OTOG: variants seen among roughly 807,000 people sequenced by gnomAD.
OTOG encodes the protein otogelin.
A neutral mutation model predicts 313.8 loss-of-function variants in OTOG; 296 were observed. The ratio of observed to expected loss-of-function variants is 0.94; its 90% confidence interval spans 0.86 to 1.04. The LOEUF is 1.04. Among genes scored for constraint, OTOG ranks in the 50% least tolerant of loss-of-function variants. The pLI is 0.00. For missense variants in OTOG, 3,948 were observed against 3,840.1 expected (o/e 1.03, Z -0.74); for synonymous variants, 1,533 against 1,554.9 (o/e 0.99, Z 0.33).
rs57816307 is a variant in OTOG at position 17,578,658 on chromosome 11, G to T, written c.2759+132G>T. ...CACTGGCCCAGGCTGGCCAGCCACA[G>T]CTGTAATGGCCAGAGAGGAGTCTGG... is the stretch of plus-strand genomic sequence containing the variant. On this transcript the variant is annotated intron_variant, in intron 23 of 55. Transcript: ENST00000399397. 4.5e-4 allele frequency: 527 copies of T among 1,171,856 alleles called. 1 individual carries two copies. In the African/African-American group the frequency reaches 7.4e-3, roughly 16 times the overall value. The allele number at this position is 1,171,856 out of a possible 1,614,324, so 72.6% of individuals were successfully genotyped here.
Position 17,613,243 on chromosome 11 carries a change from CTT to C in OTOG, c.6439-367_6439-366del, listed in dbSNP as rs1565118964. Among the ~76,000 whole-genome samples the C allele has an allele frequency of 2.2e-3, 287 of 129,080 alleles. 3 individuals carry two copies. The highest frequency in any genetic ancestry group is 8.9e-3 in the African/African-American group (279 of 31,466). 84.7% of individuals were successfully genotyped at this position (129,080 alleles called of 152,430 possible). A position where few individuals can be genotyped will look rare whatever the true frequency, so the allele number is the denominator to read the frequency against. The stretch of plus-strand genomic sequence containing the variant: ...TCTTTCTTTCTTTCTTTCTTTCTTT[CTT>C]TCTTTCTTTCTTTCTTTCTTTCTCT... On this transcript the variant is annotated intron_variant, in intron 38 of 55. Coordinates refer to ENST00000399397, the MANE Select transcript of OTOG (RefSeq NM_001292063.2).
intron 22 of OTOG, among the ~76,000 whole-genome samples, chr11:17,577,842 C>T (rs1852567451): frequency 6.6e-6 from 1 of 152,114 alleles, no homozygotes; most frequent in South Asian, 2.1e-4. Context: ...GCGGGGCAGA[C>T]CTTATGGAAG....
At chr11:17,588,344 C>T (rs1028084429) in intron 24 of OTOG, among the ~76,000 whole-genome samples, 7 of 152,162 alleles carry the variant, frequency 4.6e-5, no homozygotes, top group East Asian at 1.9e-4. Flanking sequence ...TGGTGTGACT[C>T]GAGCATTTGC....
intron 16 of OTOG, 104 bp from the exon 17 acceptor site, chr11:17,570,109 A>G: frequency 9.3e-7 from 1 of 1,078,912 alleles, no homozygotes; most frequent in South Asian, 1.6e-5. Flanking sequence ...GGGGGCGAAG[A>G]CTGGGCCGGG....
intron 20 of OTOG, 93 bp from the exon 21 acceptor site, chr11:17,576,463 A>T: frequency 1.1e-6 from 1 of 952,306 alleles, no homozygotes; most frequent in Non-Finnish European, 1.7e-6. Flanking sequence ...GTCCTTATGC[A>T]CCTGGTTGGC....
chr11:17,634,771 CCA>C, intron 44 of OTOG, 71 bp from the exon 45 acceptor site: 1 of 1,312,862 alleles, frequency 7.6e-7, no homozygotes, highest in South Asian at 1.3e-5. Flanking sequence ...GGGCAGTTGT[CCA>C]GTGTTCTCCA....
intron 23 of OTOG, among the ~76,000 whole-genome samples, chr11:17,585,971 C>T (rs865798168): frequency 7.2e-5 from 11 of 152,288 alleles, no homozygotes; most frequent in Middle Eastern, 6.8e-3. Context: ...CCTGATCTAG[C>T]GTGATGCTAT....
chr11:17,604,049 G>A (rs1020494472), intron 32 of OTOG, among the ~76,000 whole-genome samples: 1 of 152,142 alleles, frequency 6.6e-6, no homozygotes, highest in African/African-American at 2.4e-5. Flanking sequence ...ACAGATGAGG[G>A]AACTGAGGCC....
chr11:17,608,525 T>G, intron 34 of OTOG, 112 bp downstream of exon 34: 1 of 692,512 alleles, frequency 1.4e-6, no homozygotes, highest in Non-Finnish European at 2.3e-6. Flanking sequence ...TGGGGATGTG[T>G]GTACCACGGT....
intron 3 of OTOG, among the ~76,000 whole-genome samples, 200 bp downstream of exon 3, chr11:17,548,412 T>C (rs1279461609): frequency 7.5e-6 from 1 of 133,010 alleles, no homozygotes; most frequent in Non-Finnish European, 1.6e-5. Context: ...GGGTCTATAG[T>C]CCACTCTTTT....
chr11:17,593,833 C>A (rs888487399), intron 27 of OTOG, 77 bp downstream of exon 27: 73 of 1,508,502 alleles, frequency 4.8e-5, no homozygotes, highest in Non-Finnish European at 6.4e-5. Flanking sequence ...TGAGCTGTAC[C>A]CTCCCTGAGG....
intron 26 of OTOG, 84 bp from the exon 27 acceptor site, chr11:17,593,526 T>A: frequency 6.6e-7 from 1 of 1,511,274 alleles, no homozygotes; most frequent in Non-Finnish European, 8.9e-7. Flanking sequence ...GGCAGAGGCA[T>A]TGGTGAGGGC....
chr11:17,581,847 G>A (rs560922199), intron 23 of OTOG, among the ~76,000 whole-genome samples: 29 of 151,988 alleles, frequency 1.9e-4, no homozygotes, highest in Non-Finnish European at 2.9e-4. Flanking sequence ...AGCCGGTTCC[G>A]CCCCCACCAG....
Position 17,572,152 on chromosome 11 carries a change from C to G in OTOG, c.2028C>G (p.Ser676=). 4 of 1,550,442 alleles carry G rather than the reference C, an allele frequency of 2.6e-6. No homozygotes were observed. Among genetic ancestry groups the G allele is most frequent in the Non-Finnish European group, 3.5e-6 (4 of 1,146,946 alleles). ...CCTGGAAAACACTTTCTGCTTGCTC[C>G]CCGCTGGTCTCTGGCTCCCCTCTGG... ...GNSWKTLSAC[S]PLVSGSPLDP... is the part of the protein sequence containing the mutation. Residue 676 remains serine (S), a synonymous_variant, in exon 18 of 56, where the codon TCC becomes TCG. Transcript: ENST00000399397.
chr11:17,591,411 G>T, intron 24 of OTOG, 39 bp from the exon 25 acceptor site: 1 of 1,549,016 alleles, frequency 6.5e-7, no homozygotes, highest in Non-Finnish European at 8.7e-7. Context: ...GTATGGGGTG[G>T]GTGTGCCCTG....
At chr11:17,578,905 C>T (rs1348353127) in intron 23 of OTOG, among the ~76,000 whole-genome samples, 2 of 152,216 alleles carry the variant, frequency 1.3e-5, no homozygotes, top group African/African-American at 2.4e-5. Flanking sequence ...GTTCAGCTCT[C>T]AACCTCTTCC....
At chr11:17,612,566 G>T in intron 37 of OTOG, 54 bp from the exon 38 acceptor site, 9 of 1,511,562 alleles carry the variant, frequency 6.0e-6, no homozygotes, top group Non-Finnish European at 7.1e-6. Context: ...TTCCTAGGCG[G>T]CCTTGGTCTT....
At chr11:17,568,897 A>G (rs1322808587) in intron 15 of OTOG, among the ~76,000 whole-genome samples, 2 of 152,204 alleles carry the variant, frequency 1.3e-5, no homozygotes, top group Non-Finnish European at 2.9e-5. Flanking sequence ...CTGTGTCTTT[A>G]GATAACCTGA....
chr11:17,633,982 G>T, intron 43 of OTOG, 87 bp from the exon 44 acceptor site: 3 of 1,486,444 alleles, frequency 2.0e-6, no homozygotes, highest in Admixed American at 2.0e-5. Context: ...CTGCTTAGGG[G>T]TGGCCAGTAA....
Sources: allele counts gnomAD v4.1 joint callset (sites outside exome capture counted in the v4.1 genomes callset), GRCh38; gene constraint gnomAD v4.1.1; transcripts MANE v1.5; gene names NCBI Gene and HGNC (gene_info 2026-07-23, HGNC 2026-07-21).